The following ELN variants were observed in gnomAD, a reference collection of about 807,000 sequenced individuals.
ELN encodes elastin, also known as tropoelastin.
In ELN, 65 loss-of-function variants were observed where a neutral mutation model predicts 105.8. That is an observed-to-expected ratio of 0.61 (90% CI 0.50 to 0.75). The LOEUF (loss-of-function observed/expected upper bound fraction) is 0.75. Ranked by LOEUF, ELN falls within the 30% of genes least tolerant of loss-of-function variation. ELN has a pLI of 0.00. For missense variants in ELN, 882 were observed against 969.4 expected (o/e 0.91, Z 1.20); for synonymous variants, 368 against 389.2 (o/e 0.95, Z 0.64).
At chr7:74,044,754 G>A (rs1481713853) in intron 9 of ELN, among the ~76,000 whole-genome samples, 1 of 152,246 alleles carries the variant, frequency 6.6e-6, no homozygotes, top group East Asian at 1.9e-4. Flanking sequence ...AGCCAAGGCT[G>A]CCCAGCCCCA....
chr7:74,065,672 G>A (rs782433949), intron 29 of ELN, 22 bp from the exon 30 acceptor site: 14 of 1,611,568 alleles, frequency 8.7e-6, no homozygotes, highest in South Asian at 2.2e-5. Flanking sequence ...TTCCTGAGCC[G>A]TCATGTGCCT....
At chr7:74,034,095 T>TC (rs1332454194) in intron 1 of ELN, among the ~76,000 whole-genome samples, 5 of 152,020 alleles carry the variant, frequency 3.3e-5, no homozygotes, top group African/African-American at 4.8e-5. Context: ...ATTCATGGCG[T>TC]CCCCCTGCGG....
At position 74,059,977 on chromosome 7, in the gene ELN, C is replaced by T. The variant is rs533649697; in HGVS notation, c.1506C>T (p.Gly502=). 9.9e-6 allele frequency: 16 copies of T among 1,612,780 alleles called. No individual in the cohort carries two copies. In the South Asian group the frequency reaches 1.1e-4, roughly 11 times the overall value. Residue 502 remains glycine (G), a synonymous_variant, in exon 23 of 33, where the codon GGC becomes GGT. Coordinates refer to ENST00000252034, the MANE Select transcript of ELN (RefSeq NM_000501.4). ...APGVGLAPGV[G]VAPGVGVAPG... ...GAGTTGGCTTGGCTCCTGGAGTTGG[C>T]GTGGCTCCTGGAGTTGGTGTGGCTC...
chr7:74,037,864 G>A (rs1256093063), intron 4 of ELN, 125 bp downstream of exon 4: 3 of 1,431,288 alleles, frequency 2.1e-6, no homozygotes, highest in Non-Finnish European at 2.9e-6. Flanking sequence ...CAGGAGGAAG[G>A]AGGGAGGTGT....
At chr7:74,065,575 C>A in intron 29 of ELN, 119 bp from the exon 30 acceptor site, 1 of 1,245,896 alleles carries the variant, frequency 8.0e-7, no homozygotes, top group African/African-American at 1.5e-5. Context: ...GATCGCGCCA[C>A]TGCACTCCAG....
intron 29 of ELN, among the ~76,000 whole-genome samples, chr7:74,065,474 C>T (rs1563879328): frequency 6.6e-6 from 1 of 151,252 alleles, no homozygotes; most frequent in Non-Finnish European, 1.5e-5. Context: ...ATTAGCCAGG[C>T]GTGGTGGTGG....
rs1554659924 is a variant in ELN at position 74,028,187 on chromosome 7, G to A, written c.-1G>A. ...AGCGGGCTGGGGCATTTCTCCCCGA[G>A]ATGGCGGGTCTGACGGCGGCGGCCC... On this transcript the variant is annotated 5_prime_UTR_variant, in exon 1 of 33. Coordinates refer to ENST00000252034, the MANE Select transcript of ELN (RefSeq NM_000501.4). 1 of 1,610,592 alleles carries A rather than the reference G, an allele frequency of 6.2e-7. No individual in the cohort carries two copies.
At chr7:74,028,392 C>T in intron 1 of ELN, 123 bp downstream of exon 1, 2 of 1,177,680 alleles carry the variant, frequency 1.7e-6, no homozygotes, top group Middle Eastern at 2.6e-4. Flanking sequence ...CAGGTGGGAG[C>T]CCCTCAGCCA....
At chr7:74,036,273 G>A (rs559434890) in intron 2 of ELN, among the ~76,000 whole-genome samples, 2 of 151,948 alleles carry the variant, frequency 1.3e-5, no homozygotes, top group Non-Finnish European at 2.9e-5. Flanking sequence ...CAGCCTGGGC[G>A]ACAGAGGGAG....
intron 1 of ELN, among the ~76,000 whole-genome samples, chr7:74,030,782 A>G (rs528514699): frequency 6.6e-6 from 1 of 151,996 alleles, no homozygotes; most frequent in East Asian, 1.9e-4. Flanking sequence ...CCCACCCAAG[A>G]ATCCCTGCTT....
intron 17 of ELN, 195 bp from the exon 18 acceptor site, chr7:74,052,968 C>T (rs1324711176): frequency 1.9e-5 from 13 of 675,314 alleles, no homozygotes; most frequent in Non-Finnish European, 2.3e-5. Flanking sequence ...CTCACTGATT[C>T]AAATCCTAGA....
chr7:74,056,469 A>T lies in ELN; in HGVS notation c.1315+34A>T, dbSNP rs781873739. ...TAGTCACACCTGGGGACATGGGTTG[A>T]GAAGGGATGGGGGCTTCTTGTCTGC... On this transcript the variant is annotated intron_variant, in intron 20 of 32. Transcript: ENST00000252034. 8 of 1,612,352 alleles carry T rather than the reference A, an allele frequency of 5.0e-6. No homozygotes were observed. The East Asian group carries it at 1.6e-4, about 31-fold the overall frequency.
At position 74,063,334 on chromosome 7, in the gene ELN, C is replaced by T; in HGVS notation, c.1883C>T (p.Ala628Val). ...GGAGCCGGACCCGCCGCCGCCGCTG[C>T]CGCAGCCAAAGCTGCTGCCAAAGCC... ...VVGAGPAAAA[A>V]AAKAAAKAAQ... Residue 628 changes from alanine (A) to valine (V), a missense_variant, in exon 28 of 33, where the codon GCC becomes GTC. Physicochemically the swap from Ala to Val is moderately conservative, Grantham distance 64 (BLOSUM62 0). Transcript: ENST00000252034. The surrounding 1 kb of genome is among the most constrained non-coding windows in gnomAD (Gnocchi z 4.1). 1 of 1,551,038 alleles carries T rather than the reference C, an allele frequency of 6.4e-7. No individual in the cohort carries two copies.
intron 1 of ELN, among the ~76,000 whole-genome samples, chr7:74,033,441 C>T (rs186692174): frequency 1.3e-5 from 2 of 152,380 alleles, no homozygotes; most frequent in East Asian, 1.9e-4. Context: ...AGGCCCGAGG[C>T]GGGCCATGTG....
At chr7:74,066,977 C>T (rs1798098013) in intron 32 of ELN, among the ~76,000 whole-genome samples, 1 of 152,216 alleles carries the variant, frequency 6.6e-6, no homozygotes, top group South Asian at 2.1e-4. Flanking sequence ...ACACAGGGAA[C>T]ATTTGCTTTT....
intron 2 of ELN, among the ~76,000 whole-genome samples, chr7:74,035,953 G>GA (rs2131179073): frequency 6.6e-6 from 1 of 151,072 alleles, no homozygotes; most frequent in South Asian, 2.1e-4. Context: ...AAGAAAAGGG[G>GA]AAAAAAAGAA....
Position 74,035,420 on chromosome 7 carries a change from G to A in ELN, c.133+6G>A, listed in dbSNP as rs1216357938. 9.3e-6 allele frequency: 15 copies of A among 1,613,958 alleles called. No homozygotes were observed. Among genetic ancestry groups the A allele is most frequent in the African/African-American group, 8.0e-5 (6 of 74,898 alleles). On this transcript the variant is annotated splice_donor_region_variant and intron_variant, in intron 2 of 32. Transcript: ENST00000252034. ...TGGAGGAGTCTTTTATCCAGGTAAC[G>A]TACATGAAACTTCCACACACCCAGG...
chr7:74,045,381 C>A, intron 10 of ELN, 88 bp downstream of exon 10: 1 of 1,479,474 alleles, frequency 6.8e-7, no homozygotes, highest in Non-Finnish European at 9.3e-7. Context: ...GGATCCTGGA[C>A]TGGCTCAGGG....
Position 74,047,624 on chromosome 7 carries a change from A to G in ELN, c.644-51A>G, listed in dbSNP as rs574535593. 635 of 1,611,888 alleles carry G rather than the reference A, an allele frequency of 3.9e-4. 2 individuals carry two copies. The highest frequency in any genetic ancestry group is 2.3e-3 in the Middle Eastern group (14 of 6,028). On this transcript the variant is annotated intron_variant, in intron 12 of 32. Transcript: ENST00000252034. ...AGATCTGTCCACCCAGGTTGGTGGGAGCCCAGCAAGGCATGGGGCAGCCCC... is the reference window on the plus strand; with the variant it reads ...AGATCTGTCCACCCAGGTTGGTGGGGGCCCAGCAAGGCATGGGGCAGCCCC...
Sources: gnomAD v4.1 joint callset for allele counts (sites outside exome capture counted in the v4.1 genomes callset) on GRCh38, gnomAD v4.1.1 for gene constraint, Gnocchi (gnomAD v3.1) non-coding constraint, MANE v1.5 for transcripts, NCBI Gene and HGNC (gene_info 2026-07-23, HGNC 2026-07-21) for gene names.